SRGAP3: variants seen among roughly 807,000 people sequenced by gnomAD.
SRGAP3 encodes the protein SLIT-ROBO Rho GTPase activating protein 3.
A neutral mutation model predicts 121.1 loss-of-function variants in SRGAP3; 39 were observed. The observed-to-expected ratio is 0.32, with a 90% confidence interval of 0.25 to 0.42. The LOEUF (loss-of-function observed/expected upper bound fraction) is 0.42, where lower values mean the gene tolerates loss of function less well. Among genes scored for constraint, SRGAP3 ranks in the 10% least tolerant of loss-of-function variants. The probability of loss-of-function intolerance (pLI) is 1.00; values close to 1 mark genes in which losing one functional copy is unlikely to be tolerated. For missense variants in SRGAP3, 1,213 were observed against 1,470.6 expected, an observed-to-expected ratio of 0.82 and a Z score of 2.86; for synonymous variants, 601 against 570.0, an observed-to-expected ratio of 1.05 and a Z score of -0.77.
chr3:8,995,353 G>A (rs1393643412), intron 18 of SRGAP3, among the ~76,000 whole-genome samples: 1 of 152,126 alleles, frequency 6.6e-6, no homozygotes, highest in Non-Finnish European at 1.5e-5. Context: ...GCACGTGCCT[G>A]TGGTGCCAGC....
rs1288114668 is a variant in SRGAP3, at chr3:8,982,180, G to A, written c.*3339C>T. On this transcript the variant is annotated 3_prime_UTR_variant, in exon 22 of 22. Transcript: ENST00000383836. ...TTGGTCAGTTTTAAATGAACAACTT[G>A]CTGGTTCATTCCTAGAATAGACTGA... is the stretch of plus-strand genomic sequence containing the variant. 4.4e-6 allele frequency: 1 copy of A among 226,108 alleles called. No homozygotes were observed. Among genetic ancestry groups the A allele is most frequent in the Non-Finnish European group, 8.8e-6 (1 of 113,430 alleles). The allele number at this position is 226,108 out of a possible 1,614,324, so 14.0% of individuals were successfully genotyped here.
chr3:9,198,509 C>T (rs900682857), intron 1 of SRGAP3, among the ~76,000 whole-genome samples: 3 of 152,206 alleles, frequency 2.0e-5, no homozygotes, highest in Non-Finnish European at 4.4e-5. Flanking sequence ...GTAGCCAGTG[C>T]TTGGTTTGGT....
intron 3 of SRGAP3, among the ~76,000 whole-genome samples, chr3:9,296,800 T>C (rs1297137593): frequency 6.6e-6 from 1 of 152,224 alleles, no homozygotes; most frequent in Non-Finnish European, 1.5e-5. Context: ...ACAGCACACA[T>C]CCCTGAAGTA....
At chr3:9,324,773 C>T (rs866269384) in intron 3 of SRGAP3, among the ~76,000 whole-genome samples, 15 of 151,802 alleles carry the variant, frequency 9.9e-5, no homozygotes, top group South Asian at 2.1e-4. Context: ...CTGGCTAACA[C>T]GGTGAAACTC....
chr3:9,041,298 G>C (rs1174526780), intron 10 of SRGAP3, among the ~76,000 whole-genome samples: 1 of 152,242 alleles, frequency 6.6e-6, no homozygotes, highest in Non-Finnish European at 1.5e-5. Flanking sequence ...CAAGGTGAGG[G>C]AGAACAGATG....
At position 8,985,531 on chromosome 3, in the gene SRGAP3, C is replaced by T. The variant is rs1411300283; in HGVS notation, c.3288G>A (p.Ser1096=). The T allele has an allele frequency of 6.3e-7, 1 of 1,598,870 alleles. No individual in the cohort carries two copies. Among genetic ancestry groups the T allele is most frequent in the African/African-American group, 1.3e-5 (1 of 74,958 alleles). ...CCCATCCTGCAGGTCACATGGTGCC[C>T]GACTTGTCCGCTGAGCTGTTGGGGA... ...KMFPNSSADK[S]GTM The change falls in exon 22 of 22, where the codon TCG becomes TCA. Residue 1096 remains serine, a synonymous_variant. Coordinates refer to ENST00000383836, the MANE Select transcript of SRGAP3 (RefSeq NM_014850.4). This position sits in a 1 kb window ranked among gnomAD's most constrained non-coding sequence, Gnocchi z 5.1.
At chr3:9,261,436 G>T (rs927329447) in intron 3 of SRGAP3, among the ~76,000 whole-genome samples, 1 of 151,886 alleles carries the variant, frequency 6.6e-6, no homozygotes, top group African/African-American at 2.4e-5. Flanking sequence ...TAAATGCAAG[G>T]AAACTAAGAA....
intron 3 of SRGAP3, among the ~76,000 whole-genome samples, chr3:9,256,153 C>T (rs951085572): frequency 4.6e-5 from 7 of 152,152 alleles, no homozygotes; most frequent in African/African-American, 1.7e-4. Context: ...TCTCAGCCAT[C>T]AGGACCTGTC....
At chr3:9,268,296 GTC>G (rs71626912) in intron 3 of SRGAP3, among the ~76,000 whole-genome samples, 36,407 of 147,336 alleles carry the variant, frequency 0.25, 4,835 homozygotes, top group Middle Eastern at 0.34. Context: ...AGAGAGAAGA[GTC>G]TCTCTCTCTC....
At chr3:8,987,079 A>C (rs1023914557) in intron 21 of SRGAP3, among the ~76,000 whole-genome samples, 1 of 152,138 alleles carries the variant, frequency 6.6e-6, no homozygotes, top group Non-Finnish European at 1.5e-5. Context: ...AATCTCAATC[A>C]CTCTGCACCA....
intron 1 of SRGAP3, among the ~76,000 whole-genome samples, chr3:9,196,571 C>G (rs1286201886): frequency 3.9e-5 from 6 of 152,002 alleles, no homozygotes; most frequent in Non-Finnish European, 5.9e-5. Flanking sequence ...AAAAAATGTG[C>G]CCTCTGAACC....
chr3:9,218,327 C>T lies in SRGAP3; in HGVS notation c.67+30558G>A, dbSNP rs1952699607. ...AAATGTTGATAAGCTGAAGTGTGGCCAGAAAAAGAGACCAGAGAATGAGGG... is the reference window on the plus strand; with the variant it reads ...AAATGTTGATAAGCTGAAGTGTGGCTAGAAAAAGAGACCAGAGAATGAGGG... On this transcript the variant is annotated intron_variant, in intron 1 of 21. Transcript: ENST00000383836. The surrounding 1 kb of genome is among the most constrained non-coding windows in gnomAD (Gnocchi z 5.3). 6.6e-6 allele frequency: 1 copy of T among 152,122 alleles called. No individual in the cohort carries two copies. 9.4% of individuals were successfully genotyped at this position (152,122 alleles called of 1,614,324 possible). A position where few individuals can be genotyped will look rare whatever the true frequency, so the allele number is the denominator to read the frequency against.
chr3:9,075,376 T>A (rs535197235), intron 4 of SRGAP3, among the ~76,000 whole-genome samples: 1 of 141,444 alleles, frequency 7.1e-6, no homozygotes, highest in South Asian at 2.2e-4. Flanking sequence ...TGTATGCAAG[T>A]GTGTGTGTGT....
intron 18 of SRGAP3, among the ~76,000 whole-genome samples, chr3:8,999,231 A>G (rs1386590511): frequency 6.6e-6 from 1 of 152,186 alleles, no homozygotes; most frequent in African/African-American, 2.4e-5. Flanking sequence ...AAATCACTCC[A>G]GTGGCAAAGC....
intron 1 of SRGAP3, among the ~76,000 whole-genome samples, chr3:9,172,734 G>T (rs539697625): frequency 4.9e-4 from 74 of 152,288 alleles, no homozygotes; most frequent in African/African-American, 1.7e-3. Context: ...CAGATACAAC[G>T]TCATAGGATC....
intron 2 of SRGAP3, among the ~76,000 whole-genome samples, chr3:9,120,382 T>C (rs1286731478): frequency 6.6e-6 from 1 of 152,206 alleles, no homozygotes; most frequent in Non-Finnish European, 1.5e-5. Context: ...TCCTCAGCCA[T>C]ACCAACTACC....
At chr3:9,000,880 C>T (rs1942719343) in intron 18 of SRGAP3, among the ~76,000 whole-genome samples, 1 of 152,196 alleles carries the variant, frequency 6.6e-6, no homozygotes, top group African/African-American at 2.4e-5. Flanking sequence ...GAGACTTCTA[C>T]CAAACCCACT....
intron 1 of SRGAP3, among the ~76,000 whole-genome samples, chr3:9,148,837 A>G (rs1950112681): frequency 6.6e-6 from 1 of 152,174 alleles, no homozygotes; most frequent in Non-Finnish European, 1.5e-5. Context: ...TCCTTCCCCA[A>G]ACCTGAGAGT....
intron 1 of SRGAP3, among the ~76,000 whole-genome samples, chr3:9,187,328 G>A (rs550546814): frequency 9.9e-4 from 151 of 152,310 alleles, no homozygotes; most frequent in Non-Finnish European, 1.9e-3. Flanking sequence ...TACAGTCAGT[G>A]GACTAACTGA....
Sources: gnomAD v4.1 joint callset for allele counts (sites outside exome capture counted in the v4.1 genomes callset) on GRCh38, gnomAD v4.1.1 for gene constraint, Gnocchi (gnomAD v3.1) non-coding constraint, MANE v1.5 for transcripts, NCBI Gene and HGNC (gene_info 2026-07-23, HGNC 2026-07-21) for gene names.